Variants in NTN1 observed in about 807,000 individuals in gnomAD.
NTN1 encodes netrin-1.
A neutral mutation model predicts 54.2 loss-of-function variants in NTN1; 11 were observed. That is an observed-to-expected ratio of 0.20 (90% confidence interval 0.13 to 0.34). NTN1 has a LOEUF of 0.34. Ranked by LOEUF, NTN1 falls within the 10% of genes least tolerant of loss-of-function variation. The pLI, the probability that NTN1 is intolerant of heterozygous loss-of-function variation, is 1.00. For missense variants in NTN1, 740 were observed against 893.1 expected (o/e 0.83, Z 2.18); for synonymous variants, 371 against 382.0 (o/e 0.97, Z 0.33).
At chr17:9,121,772 G>A (rs951058738) in intron 2 of NTN1, among the ~76,000 whole-genome samples, 21 of 152,152 alleles carry the variant, frequency 1.4e-4, no homozygotes, top group Non-Finnish European at 2.6e-4. Flanking sequence ...CTCCTTGGAT[G>A]CCACAGCTGC....
intron 2 of NTN1, among the ~76,000 whole-genome samples, chr17:9,030,715 A>G (rs2091886033): frequency 6.6e-6 from 1 of 152,244 alleles, no homozygotes; most frequent in African/African-American, 2.4e-5. Context: ...ACTGCACTCC[A>G]GCCTGGGTGA....
At chr17:9,226,986 A>G (rs1186174762) in intron 6 of NTN1, among the ~76,000 whole-genome samples, 1 of 152,050 alleles carries the variant, frequency 6.6e-6, no homozygotes, top group Non-Finnish European at 1.5e-5. Context: ...CACCAAGCCA[A>G]GAGGCTTCCT....
intron 2 of NTN1, among the ~76,000 whole-genome samples, chr17:9,153,593 A>G (rs1342063380): frequency 1.3e-5 from 2 of 152,188 alleles, no homozygotes; most frequent in Non-Finnish European, 2.9e-5. Flanking sequence ...ATTAAAAACC[A>G]CAGCTCAAGA....
rs541965072 is a variant in NTN1 at position 9,220,239 on chromosome 17, G to A, written c.1412-929G>A. ...CTCAGTCTTCTTGTCTGTGGAATGG[G>A]AATGATACCTACCCATCAAAGAAGG... On this transcript the variant is annotated intron_variant, in intron 5 of 6. Transcript: ENST00000173229. Among the ~76,000 whole-genome samples the A allele has an allele frequency of 1.9e-3, 291 of 152,156 alleles. 2 individuals are homozygous for A. Among genetic ancestry groups the A allele is most frequent in the Non-Finnish European group, 1.8e-3 (121 of 68,030 alleles).
chr17:9,181,226 A>G (rs3826468), intron 4 of NTN1, among the ~76,000 whole-genome samples: 54,493 of 151,896 alleles, frequency 0.36, 10,188 homozygotes, highest in Middle Eastern at 0.49. Context: ...CTGGGGCTCC[A>G]TCCTGGAATT....
intron 2 of NTN1, among the ~76,000 whole-genome samples, chr17:9,078,815 A>G (rs8079384): frequency 0.45 from 68,567 of 152,146 alleles, 15,834 homozygotes; most frequent in East Asian, 0.59. Context: ...CAGGCAGACA[A>G]AAAGTCTTCC....
At chr17:9,225,593 G>A (rs1234432806) in intron 6 of NTN1, among the ~76,000 whole-genome samples, 1 of 152,190 alleles carries the variant, frequency 6.6e-6, no homozygotes, top group East Asian at 1.9e-4. Context: ...CCCCTGAGAA[G>A]GTGTGTAAGG....
intron 2 of NTN1, among the ~76,000 whole-genome samples, chr17:9,125,640 CTG>C (rs1337605593): frequency 6.6e-6 from 1 of 152,048 alleles, no homozygotes; most frequent in Non-Finnish European, 1.5e-5. Flanking sequence ...AGGTCTCACT[CTG>C]TCACCCAGGC....
the NTN1 span, among the ~76,000 whole-genome samples, chr17:9,013,171 A>T: frequency 2.1e-4 from 32 of 151,474 alleles, no homozygotes; most frequent in African/African-American, 7.8e-4. Context: ...CACAATGCCA[A>T]TACCACCTCT....
chr17:9,111,621 C>T (rs187012642), intron 2 of NTN1, among the ~76,000 whole-genome samples: 15 of 152,204 alleles, frequency 9.9e-5, no homozygotes, highest in South Asian at 2.1e-4. Flanking sequence ...TCCCCCAAAA[C>T]GTAACTACTA....
intron 2 of NTN1, among the ~76,000 whole-genome samples, chr17:9,043,389 C>T (rs1348256134): frequency 3.3e-5 from 5 of 152,084 alleles, no homozygotes; most frequent in Non-Finnish European, 7.4e-5. Flanking sequence ...CAAAATTATT[C>T]CCATTTTACA....
At chr17:9,127,855 G>A (rs1448322907) in intron 2 of NTN1, among the ~76,000 whole-genome samples, 4 of 152,206 alleles carry the variant, frequency 2.6e-5, no homozygotes, top group South Asian at 4.1e-4. Flanking sequence ...AGTGATGCAC[G>A]CCTGTAATCC....
chr17:9,116,241 G>A (rs999316967), intron 2 of NTN1, among the ~76,000 whole-genome samples: 1 of 152,200 alleles, frequency 6.6e-6, no homozygotes, highest in Non-Finnish European at 1.5e-5. Context: ...ATGGGCAGGC[G>A]GCATGGTGGG....
chr17:9,012,424 T>C, the NTN1 span, among the ~76,000 whole-genome samples: 1 of 151,688 alleles, frequency 6.6e-6, no homozygotes, highest in African/African-American at 2.4e-5. Context: ...GGCAGGAGAA[T>C]CACTTGAACC....
At position 9,022,258 on chromosome 17, in the gene NTN1, G is replaced by A. The variant is rs1385044778; in HGVS notation, c.-63-53G>A. ...GCATCTCCGCTCGCCACCCCGCCGA[G>A]AGCTGGAGGGCGCGGGGCGGGCTGG... On this transcript the variant is annotated intron_variant, in intron 1 of 6. Coordinates refer to ENST00000173229, the MANE Select transcript of NTN1 (RefSeq NM_004822.3). 5.2e-6 allele frequency: 6 copies of A among 1,152,986 alleles called. No homozygotes were observed. In the Admixed American group the frequency reaches 2.6e-4, roughly 50 times the overall value. 71.4% of individuals were successfully genotyped at this position (1,152,986 alleles called of 1,614,324 possible). A position where few individuals can be genotyped will look rare whatever the true frequency, so the allele number is the denominator to read the frequency against.
chr17:9,183,683 A>T, intron 5 of NTN1: 1 of 188,396 alleles, frequency 5.3e-6, no homozygotes, highest in Non-Finnish European at 1.1e-5. Context: ...CATACCATCA[A>T]TCTGGGTCTT....
intron 3 of NTN1, 53 bp downstream of exon 3, chr17:9,163,054 C>A: frequency 6.7e-7 from 1 of 1,496,936 alleles, no homozygotes; most frequent in Non-Finnish European, 9.0e-7. Context: ...GAACATCAGT[C>A]CTCCCGCTCC....
In NTN1 at chr17:9,240,264, C is replaced by G. The variant is rs1190796105; in HGVS notation, c.*296C>G. On this transcript the variant is annotated 3_prime_UTR_variant, in exon 7 of 7. Transcript: ENST00000173229. The stretch of plus-strand genomic sequence containing the variant: ...CGGGGCTCCTTCCAGAGCAGAGACG[C>G]GCTTCCCTGGGCCTGGGCGCGGCCG... The G allele has an allele frequency of 6.5e-6, 1 of 153,106 alleles. No individual in the cohort carries two copies. Among genetic ancestry groups the G allele is most frequent in the Admixed American group, 6.5e-5 (1 of 15,286 alleles). 9.5% of individuals were successfully genotyped at this position (153,106 alleles called of 1,614,324 possible).
chr17:9,093,351 A>G (rs932656709), intron 2 of NTN1, among the ~76,000 whole-genome samples: 3 of 152,122 alleles, frequency 2.0e-5, no homozygotes, highest in African/African-American at 7.2e-5. Flanking sequence ...TATTTTTCTT[A>G]TTCTAAATTT....
Sources: gnomAD v4.1 joint callset for allele counts (sites outside exome capture counted in the v4.1 genomes callset) on GRCh38, gnomAD v4.1.1 for gene constraint, MANE v1.5 for transcripts, NCBI Gene and HGNC (gene_info 2026-07-23, HGNC 2026-07-21) for gene names.